The following ROBO2 variants were observed in gnomAD, a reference collection of about 807,000 sequenced individuals.
ROBO2 encodes the protein roundabout guidance receptor 2.
In ROBO2, 53 loss-of-function variants were observed where a neutral mutation model predicts 160.8. The ratio of observed to expected loss-of-function variants is 0.33; its 90% CI spans 0.26 to 0.41. ROBO2 has a LOEUF of 0.41. Among genes scored for constraint, ROBO2 ranks in the 10% least tolerant of loss-of-function variants. The pLI, the probability that ROBO2 is intolerant of heterozygous loss-of-function variation, is 1.00. For synonymous variants in ROBO2, 664 were observed against 611.7 expected (o/e 1.09, Z -1.26); for missense variants, 1,577 against 1,722.4 (o/e 0.92, Z 1.49).
chr3:76,575,205 C>G (rs564038696), intron 2 of ROBO2, among the ~76,000 whole-genome samples: 48 of 152,100 alleles, frequency 3.2e-4, no homozygotes, highest in Non-Finnish European at 4.7e-4. Flanking sequence ...TTTACAATAC[C>G]TTGATAATTC....
chr3:76,435,106 C>T, intron 2 of ROBO2: 1 of 968,872 alleles, frequency 1.0e-6, no homozygotes, highest in South Asian at 1.3e-5. Context: ...AAAATGAACT[C>T]CATTACAGTA....
chr3:76,287,447 C>G (rs976330983), intron 2 of ROBO2, among the ~76,000 whole-genome samples: 56 of 152,026 alleles, frequency 3.7e-4, no homozygotes, highest in African/African-American at 4.1e-4. Context: ...AGGCACCCAC[C>G]ACCATGCCCG....
intron 2 of ROBO2, among the ~76,000 whole-genome samples, chr3:76,309,550 T>C (rs1370155823): frequency 1.3e-5 from 2 of 152,220 alleles, no homozygotes; most frequent in Non-Finnish European, 2.9e-5. Context: ...GATAACTTGC[T>C]CTTCTAAAGG....
intron 2 of ROBO2, among the ~76,000 whole-genome samples, chr3:77,312,915 G>A (rs1560509202): frequency 6.6e-6 from 1 of 152,234 alleles, no homozygotes; most frequent in East Asian, 1.9e-4. Context: ...AAAAATCTGT[G>A]TCCTTTATTT....
chr3:76,947,115 C>T (rs2078602090), intron 2 of ROBO2, among the ~76,000 whole-genome samples: 1 of 152,094 alleles, frequency 6.6e-6, no homozygotes, highest in African/African-American at 2.4e-5. Context: ...ATTTCCACTT[C>T]TTTTACATGT....
intron 2 of ROBO2, among the ~76,000 whole-genome samples, chr3:76,555,180 A>C (rs1411871179): frequency 2.0e-5 from 3 of 152,068 alleles, no homozygotes; most frequent in Non-Finnish European, 4.4e-5. Context: ...AAACAATTTT[A>C]AGGAGAGGAA....
intron 2 of ROBO2, among the ~76,000 whole-genome samples, chr3:76,968,608 T>C (rs1249309831): frequency 1.3e-5 from 2 of 152,188 alleles, no homozygotes; most frequent in East Asian, 3.9e-4. Flanking sequence ...GTTTCCTAGG[T>C]GTCCTACAAT....
intron 2 of ROBO2, among the ~76,000 whole-genome samples, chr3:76,948,874 T>TTATATATATATATATATA (rs71104642): frequency 2.1e-4 from 10 of 48,598 alleles, no homozygotes; most frequent in African/African-American, 9.7e-4. Flanking sequence ...CCGGCTAATT[T>TTATATATATATATATATA]TATATATATA....
intron 2 of ROBO2, among the ~76,000 whole-genome samples, chr3:76,294,160 C>T (rs1708950472): frequency 6.6e-6 from 1 of 152,140 alleles, no homozygotes; most frequent in African/African-American, 2.4e-5. Flanking sequence ...GTCGGGGAGA[C>T]CAGGCAGTGG....
chr3:77,580,392 C>T (rs1262872364), intron 16 of ROBO2, among the ~76,000 whole-genome samples: 2 of 152,052 alleles, frequency 1.3e-5, no homozygotes, highest in African/African-American at 2.4e-5. Context: ...TCAATTGCCT[C>T]ATTAGCAATT....
intron 2 of ROBO2, among the ~76,000 whole-genome samples, chr3:76,813,577 C>A (rs1270689770): frequency 2.6e-5 from 4 of 152,108 alleles, no homozygotes; most frequent in Admixed American, 1.3e-4. Context: ...TACGAAGTAA[C>A]TATTCCCAAA....
chr3:77,072,675 C>A (rs1231552397), intron 1 of ROBO2, among the ~76,000 whole-genome samples: 2 of 152,118 alleles, frequency 1.3e-5, no homozygotes, highest in African/African-American at 4.8e-5. Context: ...GGGATAGTAA[C>A]CTCCTTCAGT....
intron 2 of ROBO2, among the ~76,000 whole-genome samples, chr3:76,949,453 G>T (rs2078822709): frequency 6.6e-6 from 1 of 152,176 alleles, no homozygotes; most frequent in Non-Finnish European, 1.5e-5. Context: ...GGATGTGAGT[G>T]TAACTATGAA....
chr3:77,060,331 G>A (rs996486745), intron 1 of ROBO2, among the ~76,000 whole-genome samples: 3 of 152,156 alleles, frequency 2.0e-5, no homozygotes, highest in Non-Finnish European at 4.4e-5. Flanking sequence ...GGAAAAATGG[G>A]AGAAAATTGA....
chr3:77,583,197 T>C (rs1266327899), intron 16 of ROBO2, among the ~76,000 whole-genome samples: 2 of 145,898 alleles, frequency 1.4e-5, no homozygotes, highest in African/African-American at 2.5e-5. Flanking sequence ...TTCAGTCCCC[T>C]CAGCTTCCAT....
At chr3:76,220,506 C>T (rs1703894176) in intron 2 of ROBO2, among the ~76,000 whole-genome samples, 1 of 152,026 alleles carries the variant, frequency 6.6e-6, no homozygotes, top group African/African-American at 2.4e-5. Flanking sequence ...GCCCTTCCGC[C>T]TTGTGACGAT....
At chr3:77,134,984 C>A (rs2076160612) in intron 2 of ROBO2, among the ~76,000 whole-genome samples, 1 of 152,182 alleles carries the variant, frequency 6.6e-6, no homozygotes, top group South Asian at 2.1e-4. Context: ...CATCTGTTTG[C>A]AGGACGGCAG....
At chr3:76,349,179 A>AT (rs796415398) in intron 2 of ROBO2, among the ~76,000 whole-genome samples, 7 of 152,114 alleles carry the variant, frequency 4.6e-5, no homozygotes, top group South Asian at 2.1e-4. Flanking sequence ...TTTTTAAAAG[A>AT]TTTTTTTAAA....
At chr3:77,377,286 T>C (rs1416839797) in intron 2 of ROBO2, among the ~76,000 whole-genome samples, 1 of 152,216 alleles carries the variant, frequency 6.6e-6, no homozygotes, top group Non-Finnish European at 1.5e-5. Flanking sequence ...TCCATTGCTC[T>C]TTCCAATGGC....
Sources: allele counts gnomAD v4.1 joint callset (sites outside exome capture counted in the v4.1 genomes callset), GRCh38; gene constraint gnomAD v4.1.1; transcripts MANE v1.5; gene names NCBI Gene and HGNC (gene_info 2026-07-23, HGNC 2026-07-21).